Variants in RAPGEF6 observed in about 807,000 individuals in gnomAD.
RAPGEF6 encodes the protein Rap guanine nucleotide exchange factor 6.
A neutral mutation model predicts 171.4 loss-of-function variants in RAPGEF6; 56 were observed. The observed-to-expected ratio is 0.33, with a 90% CI of 0.26 to 0.41. RAPGEF6 has a LOEUF of 0.41. RAPGEF6 is among the 10% of genes least tolerant of loss of function. The pLI, the probability that RAPGEF6 is intolerant of heterozygous loss-of-function variation, is 1.00. For missense variants in RAPGEF6, 1,674 were observed against 1,921.4 expected (o/e 0.87, Z 2.41); for synonymous variants, 692 against 650.1 (o/e 1.06, Z -0.98).
intron 24 of RAPGEF6, among the ~76,000 whole-genome samples, chr5:131,436,736 T>A (rs926527865): frequency 6.6e-6 from 1 of 152,176 alleles, no homozygotes; most frequent in East Asian, 1.9e-4. Flanking sequence ...AGTAACTATG[T>A]AGGTCTAGAA....
intron 16 of RAPGEF6, among the ~76,000 whole-genome samples, chr5:131,476,691 C>A (rs1387515622): frequency 6.6e-6 from 1 of 152,110 alleles, no homozygotes; most frequent in African/African-American, 2.4e-5. Context: ...GCCACCATGT[C>A]CAGCTAGTTT....
At chr5:131,568,731 C>T (rs563737625) in intron 4 of RAPGEF6, among the ~76,000 whole-genome samples, 1 of 152,282 alleles carries the variant, frequency 6.6e-6, no homozygotes, top group African/African-American at 2.4e-5. Flanking sequence ...TGGAGACTCT[C>T]ACCAGTACAA....
chr5:131,581,302 A>C (rs1348049104), intron 4 of RAPGEF6, among the ~76,000 whole-genome samples: 1 of 152,200 alleles, frequency 6.6e-6, no homozygotes, highest in Non-Finnish European at 1.5e-5. Flanking sequence ...AAAACTCACT[A>C]ATCAGGCAAC....
chr5:131,504,344 C>T (rs187151255), intron 11 of RAPGEF6, among the ~76,000 whole-genome samples: 182 of 152,150 alleles, frequency 1.2e-3, no homozygotes, highest in African/African-American at 4.3e-3. Flanking sequence ...TGCCTGTAAT[C>T]TCAGCTACTC....
Position 131,428,923 on chromosome 5 carries a change from C to T in RAPGEF6, c.4759G>A (p.Asp1587Asn), listed in dbSNP as rs770174199. The change falls in exon 27 of 28, where the codon GAT (aspartate) becomes AAT (asparagine). Residue 1587 changes from aspartate to asparagine, a missense_variant. This residue lies in a region of RAPGEF6 where 552 missense variants were observed against 574.2 expected (regional missense o/e 0.96). Coordinates refer to ENST00000509018, the MANE Select transcript of RAPGEF6 (RefSeq NM_016340.6). ...ATACCATCTGCTTCGCTATCTGCAT[C>T]AGTCACATCTCCTAGTTTAGGATGG... The part of the protein sequence containing the change: ...PFHPKLGDVT[D>N]ADSEADENEQ... 1.2e-6 allele frequency: 2 copies of T among 1,613,828 alleles called. No homozygotes were observed. The highest frequency in any genetic ancestry group is 2.2e-5 in the South Asian group (2 of 91,062).
intron 19 of RAPGEF6, 33 bp downstream of exon 19, chr5:131,461,672 T>A (rs765021965): frequency 6.5e-7 from 1 of 1,549,860 alleles, no homozygotes; most frequent in Admixed American, 1.8e-5. Context: ...GACAAAACCA[T>A]ACAGACATTT....
chr5:131,598,676 A>G (rs190397141), intron 3 of RAPGEF6, among the ~76,000 whole-genome samples: 1 of 152,354 alleles, frequency 6.6e-6, no homozygotes, highest in Non-Finnish European at 1.5e-5. Flanking sequence ...AACTGCTCAA[A>G]CTGTTTATGT....
At chr5:131,489,354 A>C (rs1756130483) in intron 15 of RAPGEF6, among the ~76,000 whole-genome samples, 192 bp downstream of exon 15, 1 of 152,218 alleles carries the variant, frequency 6.6e-6, no homozygotes, top group Non-Finnish European at 1.5e-5. Flanking sequence ...CTTACTATCA[A>C]AATAATTAAA....
At chr5:131,498,959 G>C (rs1157660717) in intron 11 of RAPGEF6, among the ~76,000 whole-genome samples, 1 of 152,024 alleles carries the variant, frequency 6.6e-6, no homozygotes, top group African/African-American at 2.4e-5. Context: ...TGTATTTATT[G>C]TCTCAAGGCA....
At chr5:131,515,744 G>C (rs1758029064) in intron 7 of RAPGEF6, among the ~76,000 whole-genome samples, 1 of 152,194 alleles carries the variant, frequency 6.6e-6, no homozygotes, top group South Asian at 2.1e-4. Flanking sequence ...GCTACGGGTA[G>C]AAGAGCATGA....
chr5:131,438,977 C>G (rs977432082), intron 24 of RAPGEF6, among the ~76,000 whole-genome samples: 1 of 151,992 alleles, frequency 6.6e-6, no homozygotes, highest in Non-Finnish European at 1.5e-5. Context: ...GGTTGAAGTA[C>G]AGTGGCATGA....
intron 17 of RAPGEF6, among the ~76,000 whole-genome samples, chr5:131,471,010 G>A (rs1223703909): frequency 6.6e-6 from 1 of 152,192 alleles, no homozygotes; most frequent in Non-Finnish European, 1.5e-5. Flanking sequence ...GCCAAGAACT[G>A]AATCCAGTTT....
At chr5:131,600,830 G>A (rs1344651609) in intron 3 of RAPGEF6, among the ~76,000 whole-genome samples, 1 of 152,012 alleles carries the variant, frequency 6.6e-6, no homozygotes, top group African/African-American at 2.4e-5. Flanking sequence ...ACTTTTGGAG[G>A]AGAAACAAAG....
At chr5:131,527,537 C>T (rs963925857) in intron 6 of RAPGEF6, among the ~76,000 whole-genome samples, 1 of 152,020 alleles carries the variant, frequency 6.6e-6, no homozygotes, top group Non-Finnish European at 1.5e-5. Context: ...AAATGTAAGG[C>T]TACATTTAAA....
intron 7 of RAPGEF6, among the ~76,000 whole-genome samples, chr5:131,518,637 C>T (rs747878886): frequency 6.6e-6 from 1 of 152,054 alleles, no homozygotes; most frequent in Non-Finnish European, 1.5e-5. Context: ...CTCAGGTGAT[C>T]CGCCCACCTC....
chr5:131,494,780 T>TAATGAAGTA (rs3842020), intron 13 of RAPGEF6, among the ~76,000 whole-genome samples: 1 of 151,504 alleles, frequency 6.6e-6, no homozygotes, highest in Non-Finnish European at 1.5e-5. Flanking sequence ...AGATCAGATA[T>TAATGAAGTA]ATTAAGTCCT....
At chr5:131,629,864 G>T (rs1766190352) in intron 1 of RAPGEF6, among the ~76,000 whole-genome samples, 2 of 152,046 alleles carry the variant, frequency 1.3e-5, no homozygotes, top group Non-Finnish European at 2.9e-5. Flanking sequence ...TAGATGAGAA[G>T]CTGCCTCTTA....
intron 5 of RAPGEF6, among the ~76,000 whole-genome samples, chr5:131,557,525 T>C (rs1761313943): frequency 6.6e-6 from 1 of 152,214 alleles, no homozygotes; most frequent in African/African-American, 2.4e-5. Flanking sequence ...ATCACAGTTT[T>C]ATATTTTTTT....
intron 13 of RAPGEF6, among the ~76,000 whole-genome samples, chr5:131,494,938 AC>A (rs989638919): frequency 2.6e-5 from 4 of 152,158 alleles, no homozygotes; most frequent in Non-Finnish European, 4.4e-5. Flanking sequence ...GACTGAGGGT[AC>A]ACATATAACA....
Sources: allele counts gnomAD v4.1 joint callset (sites outside exome capture counted in the v4.1 genomes callset), GRCh38; gene constraint gnomAD v4.1.1; regional missense constraint gnomAD v4.1.1; transcripts MANE v1.5; gene names NCBI Gene and HGNC (gene_info 2026-07-23, HGNC 2026-07-21).